Variants in KDM4C observed in about 807,000 individuals in gnomAD.
KDM4C encodes the protein lysine demethylase 4C, also known as lysine-specific demethylase 4C.
KDM4C carries 81 observed loss-of-function variants against 129.3 expected under a neutral mutation model. The ratio of observed to expected loss-of-function variants is 0.63; its 90% CI spans 0.52 to 0.75. The LOEUF is 0.75. KDM4C is among the 30% of genes least tolerant of loss of function. KDM4C has a pLI of 0.00. For missense variants in KDM4C, 1,457 were observed against 1,304.0 expected, an observed-to-expected ratio of 1.12 and a Z score of -1.81; for synonymous variants, 573 against 456.1, an observed-to-expected ratio of 1.26 and a Z score of -3.26.
At chr9:7,001,116 T>C (rs1278733313) in intron 12 of KDM4C, among the ~76,000 whole-genome samples, 1 of 152,238 alleles carries the variant, frequency 6.6e-6, no homozygotes, top group Non-Finnish European at 1.5e-5. Context: ...TTAGTCCTTT[T>C]CCCTTTTGGA....
chr9:7,070,647 G>A (rs1833069514), intron 17 of KDM4C, among the ~76,000 whole-genome samples: 1 of 152,018 alleles, frequency 6.6e-6, no homozygotes, highest in Non-Finnish European at 1.5e-5. Flanking sequence ...ACATTTAACT[G>A]GATTTAACAT....
At chr9:6,823,338 T>C (rs1423255912) in intron 4 of KDM4C, among the ~76,000 whole-genome samples, 2 of 152,194 alleles carry the variant, frequency 1.3e-5, no homozygotes, top group Non-Finnish European at 2.9e-5. Context: ...ATCCTCACTG[T>C]CAGAGTACCC....
At chr9:7,108,507 G>A (rs1837956421) in intron 18 of KDM4C, among the ~76,000 whole-genome samples, 1 of 152,158 alleles carries the variant, frequency 6.6e-6, no homozygotes, top group Admixed American at 6.6e-5. Flanking sequence ...AAAGTGCTGG[G>A]ATTACAGGCA....
chr9:7,131,352 C>T (rs1246874841), intron 19 of KDM4C, among the ~76,000 whole-genome samples: 1 of 152,146 alleles, frequency 6.6e-6, no homozygotes, highest in Admixed American at 6.5e-5. Context: ...ATTGCTGACT[C>T]TATAGGGGAA....
chr9:6,855,146 T>A (rs866043948), intron 5 of KDM4C, among the ~76,000 whole-genome samples: 36 of 152,198 alleles, frequency 2.4e-4, no homozygotes, highest in African/African-American at 7.7e-4. Flanking sequence ...CTTCATAAAT[T>A]TGTATTAATA....
At chr9:6,911,203 T>C (rs113240521) in intron 8 of KDM4C, among the ~76,000 whole-genome samples, 1,676 of 152,314 alleles carry the variant, frequency 0.011, 12 homozygotes, top group Admixed American at 0.017. Context: ...AAAAAACTTT[T>C]ATGCCATCAC....
chr9:6,743,731 T>G (rs916223627), intron 1 of KDM4C, among the ~76,000 whole-genome samples: 1 of 152,040 alleles, frequency 6.6e-6, no homozygotes, highest in South Asian at 2.1e-4. Context: ...GGTTTGGAAC[T>G]CCTGGTCTCA....
intron 19 of KDM4C, among the ~76,000 whole-genome samples, chr9:7,139,958 C>G (rs1034317937): frequency 1.3e-5 from 2 of 152,110 alleles, no homozygotes; most frequent in South Asian, 4.2e-4. Flanking sequence ...AAGGAAAGGA[C>G]ACTTGGAAGA....
chr9:6,927,691 T>C (rs1424029860), intron 8 of KDM4C, among the ~76,000 whole-genome samples: 1 of 152,158 alleles, frequency 6.6e-6, no homozygotes, highest in Non-Finnish European at 1.5e-5. Flanking sequence ...CCACTTTGTT[T>C]TTTCATCTAC....
chr9:6,881,321 A>C (rs1234512406), intron 6 of KDM4C, among the ~76,000 whole-genome samples: 1 of 152,216 alleles, frequency 6.6e-6, no homozygotes, highest in Non-Finnish European at 1.5e-5. Context: ...TTAAAAATGT[A>C]ATACATAATA....
At chr9:6,894,530 A>T (rs1030237855) in intron 8 of KDM4C, among the ~76,000 whole-genome samples, 5 of 152,220 alleles carry the variant, frequency 3.3e-5, no homozygotes, top group Non-Finnish European at 7.3e-5. Context: ...TTGCACCTTT[A>T]CTTACAGATA....
chr9:6,921,753 G>A (rs1488632932), intron 8 of KDM4C, among the ~76,000 whole-genome samples: 1 of 152,002 alleles, frequency 6.6e-6, no homozygotes, highest in African/African-American at 2.4e-5. Flanking sequence ...TTACCATGGT[G>A]AGCAAATGCT....
chr9:6,909,645 A>G (rs1026428153), intron 8 of KDM4C, among the ~76,000 whole-genome samples: 1 of 152,186 alleles, frequency 6.6e-6, no homozygotes, highest in African/African-American at 2.4e-5. Context: ...TTTCACTCGT[A>G]TTTTTAACAT....
chr9:7,167,270 T>G (rs1003576482), intron 20 of KDM4C, among the ~76,000 whole-genome samples: 2 of 152,202 alleles, frequency 1.3e-5, no homozygotes, highest in African/African-American at 4.8e-5. Flanking sequence ...CCTGCTTGCC[T>G]GGGACCATCC....
At chr9:6,727,293 A>AT (rs1373553089) in intron 1 of KDM4C, 2 of 151,624 alleles carry the variant, frequency 1.3e-5, no homozygotes, top group African/African-American at 4.9e-5. Context: ...TCTACTAAAA[A>AT]TACAAAAATT....
At position 7,174,671 on chromosome 9, in the gene KDM4C, C is replaced by G; in HGVS notation, c.3113C>G (p.Pro1038Arg). Residue 1038 changes from proline (P) to arginine (R), a missense_variant, in exon 22 of 22, where the codon CCT becomes CGT. Coordinates refer to ENST00000381309, the MANE Select transcript of KDM4C (RefSeq NM_015061.6). Reference sequence around the variant, plus strand: ...TTTAAGAATGAATATGTGGCCGACCCTGTATACCGCACTTTTTTGAAGAGC... The same window carrying G: ...TTTAAGAATGAATATGTGGCCGACCGTGTATACCGCACTTTTTTGAAGAGC... ...SRFKNEYVAD[P>R]VYRTFLKSSF... is the part of the protein sequence containing the mutation. 2.5e-6 allele frequency: 4 copies of G among 1,614,100 alleles called. No homozygotes were observed. The highest frequency in any genetic ancestry group is 3.4e-6 in the Non-Finnish European group (4 of 1,179,966).
rs145122094 is a variant in KDM4C at position 7,125,471 on chromosome 9, G to A, written c.2611-2595G>A. Among the ~76,000 whole-genome samples, 42 of 152,344 alleles carry A rather than the reference G, an allele frequency of 2.8e-4. No individual in the cohort carries two copies. In the East Asian group the frequency reaches 6.4e-3, roughly 23 times the overall value. On this transcript the variant is annotated intron_variant, in intron 18 of 21. Coordinates refer to ENST00000381309, the MANE Select transcript of KDM4C (RefSeq NM_015061.6). ...TGTATTTGACTCTCCAACATCAGAT[G>A]TGGTGCCCACTGGCTAGCTACAAAT...
At chr9:6,779,153 C>T (rs886413313) in intron 1 of KDM4C, among the ~76,000 whole-genome samples, 15 of 144,554 alleles carry the variant, frequency 1.0e-4, no homozygotes, top group East Asian at 2.1e-4. Context: ...CTCAGCCTCC[C>T]GAGTAGCTGG....
chr9:7,141,353 A>G (rs974709897), intron 19 of KDM4C, among the ~76,000 whole-genome samples: 1 of 151,896 alleles, frequency 6.6e-6, no homozygotes, highest in Non-Finnish European at 1.5e-5. Flanking sequence ...GCCTAAAAAC[A>G]AAACAAAACA....
Sources: allele counts gnomAD v4.1 joint callset (sites outside exome capture counted in the v4.1 genomes callset), GRCh38; gene constraint gnomAD v4.1.1; transcripts MANE v1.5; gene names NCBI Gene and HGNC (gene_info 2026-07-23, HGNC 2026-07-21).